The following NOS1 variants were observed in gnomAD, a reference collection of about 807,000 sequenced individuals.
NOS1 encodes nitric oxide synthase 1.
In NOS1, 51 loss-of-function variants were observed where a neutral mutation model predicts 164.5. The observed-to-expected ratio is 0.31, with a 90% CI of 0.25 to 0.39. The LOEUF is 0.39. Among genes scored for constraint, NOS1 ranks in the 10% least tolerant of loss-of-function variants. The pLI, the probability that NOS1 is intolerant of heterozygous loss-of-function variation, is 1.00. For synonymous variants in NOS1, 719 were observed against 745.8 expected (o/e 0.96, Z 0.59); for missense variants, 1,362 against 1,885.6 (o/e 0.72, Z 5.14).
chr12:117,229,832 G>A (rs1403079084), intron 22 of NOS1, among the ~76,000 whole-genome samples: 24 of 152,262 alleles, frequency 1.6e-4, no homozygotes, highest in Admixed American at 9.8e-4. Flanking sequence ...CAGGTGATCC[G>A]CCTGCCTTGG....
Position 117,258,462 on chromosome 12 carries a change from G to C in NOS1, c.2473-7C>G. The C allele has an allele frequency of 1.2e-6, 2 of 1,614,030 alleles. No individual in the cohort carries two copies. The highest frequency in any genetic ancestry group is 1.7e-6 in the Non-Finnish European group (2 of 1,179,906). ...TCAAAGCACAGCCGAATTTCTGGAA[G>C]CCAAAACATATGGGTGAAATTAGCA... On this transcript the variant is annotated splice_region_variant and splice_polypyrimidine_tract_variant and intron_variant, in intron 15 of 28. Transcript: ENST00000317775.
At chr12:117,219,929 A>C (rs1193585867) in intron 27 of NOS1, 146 bp downstream of exon 27, 8 of 748,226 alleles carry the variant, frequency 1.1e-5, no homozygotes, top group Non-Finnish European at 1.7e-5. Context: ...GACCATCTAT[A>C]TCCTCTACCC....
At chr12:117,285,069 T>G (rs1283427346) in intron 7 of NOS1, among the ~76,000 whole-genome samples, 172 bp downstream of exon 7, 2 of 146,380 alleles carry the variant, frequency 1.4e-5, no homozygotes, top group African/African-American at 5.0e-5. Context: ...AATAAATAAA[T>G]AAAATAAAAT....
intron 24 of NOS1, 115 bp downstream of exon 24, chr12:117,226,568 C>T (rs374760979): frequency 3.2e-5 from 26 of 820,212 alleles, no homozygotes; most frequent in Middle Eastern, 2.2e-4. Context: ...TGGTCTCCAT[C>T]GTGTGTCACC....
intron 2 of NOS1, among the ~76,000 whole-genome samples, chr12:117,321,542 G>A (rs1566075073): frequency 1.3e-5 from 2 of 152,172 alleles, no homozygotes; most frequent in African/African-American, 4.8e-5. Flanking sequence ...CAAGACGGCA[G>A]GGACACAGAT....
At chr12:117,261,653 C>A (rs1021664024) in intron 13 of NOS1, among the ~76,000 whole-genome samples, 2 of 152,086 alleles carry the variant, frequency 1.3e-5, no homozygotes, top group African/African-American at 2.4e-5. Flanking sequence ...AAATAAATAT[C>A]TATCAAAAGA....
chr12:117,349,787 G>A (rs1876532255), intron 1 of NOS1, among the ~76,000 whole-genome samples: 3 of 152,128 alleles, frequency 2.0e-5, no homozygotes, highest in Admixed American at 2.0e-4. Flanking sequence ...GCAGTGGTGT[G>A]ATCATAGCTA....
rs551221604 is a variant in NOS1, at chr12:117,269,304, T to C, written c.1840-1160A>G. On this transcript the variant is annotated intron_variant, in intron 10 of 28. Transcript: ENST00000317775. ...GGGATCAGGCTTGGGCTATCTTAGA[T>C]ATGGAAAGAAGACCAGAGGGTGTTT... Among the ~76,000 whole-genome samples, 3 of 151,888 alleles carry C rather than the reference T, an allele frequency of 2.0e-5. No individual in the cohort carries two copies. The South Asian group carries it at 6.3e-4, about 32-fold the overall frequency.
In NOS1 at chr12:117,331,133, C is replaced by A; in HGVS notation, c.-64G>T. On this transcript the variant is annotated 5_prime_UTR_variant, in exon 2 of 29. Coordinates refer to ENST00000317775, the MANE Select transcript of NOS1 (RefSeq NM_000620.5). ...CAATGCTATCAGGCCAAGATGATTT[C>A]ACCAGGAGGATCCAGGCTTCAGGCT... 1 of 1,544,966 alleles carries A rather than the reference C, an allele frequency of 6.5e-7. No individual in the cohort carries two copies.
chr12:117,237,166 A>T (rs560728956), intron 20 of NOS1, among the ~76,000 whole-genome samples: 68 of 151,004 alleles, frequency 4.5e-4, no homozygotes, highest in African/African-American at 1.5e-3. Flanking sequence ...TATTATTTTT[A>T]TTTTTTTTTG....
At chr12:117,244,509 G>C (rs1870463948) in intron 18 of NOS1, among the ~76,000 whole-genome samples, 1 of 152,224 alleles carries the variant, frequency 6.6e-6, no homozygotes, top group African/African-American at 2.4e-5. Context: ...AAAGTGCTGG[G>C]ATTGCAGGCA....
chr12:117,309,358 G>T (rs756543656), intron 3 of NOS1: 2 of 984,114 alleles, frequency 2.0e-6, no homozygotes, highest in Non-Finnish European at 2.4e-6. Context: ...CCAGCCATCA[G>T]CGGCTAAGGA....
intron 2 of NOS1, among the ~76,000 whole-genome samples, chr12:117,312,481 T>C (rs1366634278): frequency 6.6e-6 from 1 of 152,128 alleles, no homozygotes; most frequent in Non-Finnish European, 1.5e-5. Context: ...AGTGGCACAA[T>C]CACAACTCTC....
intron 3 of NOS1, among the ~76,000 whole-genome samples, chr12:117,308,310 C>T (rs1874252453): frequency 6.6e-6 from 1 of 152,058 alleles, no homozygotes; most frequent in South Asian, 2.1e-4. Flanking sequence ...AGTTCGAGAC[C>T]AGCCTGGGCA....
rs781720204 is a variant in NOS1, at chr12:117,249,106, A to T, written c.2649-1584T>A. Among the ~76,000 whole-genome samples, 6 of 152,262 alleles carry T rather than the reference A, an allele frequency of 3.9e-5. No homozygotes were observed. In the Middle Eastern group the frequency reaches 0.014, roughly 345 times the overall value. ...AGATTCTGGATATTAGCCCTTTGTC[A>T]GATAAGTTGTCTGTCAGTTCTAGAA... On this transcript the variant is annotated intron_variant, in intron 17 of 28. Coordinates refer to ENST00000317775, the MANE Select transcript of NOS1 (RefSeq NM_000620.5).
At chr12:117,283,416 A>G (rs1873849182) in intron 7 of NOS1, among the ~76,000 whole-genome samples, 1 of 152,132 alleles carries the variant, frequency 6.6e-6, no homozygotes, top group African/African-American at 2.4e-5. Context: ...AGGGTTAAAA[A>G]CTATAGAAAG....
At chr12:117,269,464 G>GTTTTTTTTT (rs1164630635) in intron 10 of NOS1, among the ~76,000 whole-genome samples, 3 of 118,402 alleles carry the variant, frequency 2.5e-5, no homozygotes, top group African/African-American at 7.3e-5. Flanking sequence ...CTGGAGATTT[G>GTTTTTTTTT]TTTTTTTTTT....
Position 117,234,590 on chromosome 12 carries a change from C to T in NOS1, c.3210G>A (p.Leu1070=). The T allele has an allele frequency of 6.2e-7, 1 of 1,613,976 alleles. No homozygotes were observed. Among genetic ancestry groups the T allele is most frequent in the Non-Finnish European group, 8.5e-7 (1 of 1,179,894 alleles). ...PPVNQMVKVE[L]LEERNTALGV... is the part of the protein sequence containing the mutation. ...CTAAAGCCGTGTTCCGCTCCTCCAG[C>T]AGTTCCACTTTCACCATCTGGTTGA... is the stretch of plus-strand genomic sequence containing the variant. Residue 1070 remains leucine (L), a synonymous_variant, in exon 21 of 29, where the codon CTG becomes CTA. Transcript: ENST00000317775. This position sits in a 1 kb window ranked among gnomAD's most constrained non-coding sequence, Gnocchi z 4.3.
chr12:117,256,095 C>G, intron 16 of NOS1: 2 of 950,570 alleles, frequency 2.1e-6, no homozygotes, highest in Non-Finnish European at 3.0e-6. Flanking sequence ...GAGAGGGAAC[C>G]TGCTGGGAGG....
Sources: gnomAD v4.1 joint callset for allele counts (sites outside exome capture counted in the v4.1 genomes callset) on GRCh38, gnomAD v4.1.1 for gene constraint, Gnocchi (gnomAD v3.1) non-coding constraint, MANE v1.5 for transcripts, NCBI Gene and HGNC (gene_info 2026-07-23, HGNC 2026-07-21) for gene names.